The following FMN1 variants were observed in gnomAD, a reference collection of about 807,000 sequenced individuals.
The protein encoded by FMN1 is formin 1.
In FMN1, 110 loss-of-function variants were observed where a neutral mutation model predicts 132.4. The ratio of observed to expected loss-of-function variants is 0.83; its 90% CI spans 0.71 to 0.97. FMN1 has a LOEUF of 0.97. Among genes scored for constraint, FMN1 ranks in the 50% least tolerant of loss-of-function variants. The probability of loss-of-function intolerance (pLI) is 0.00; values close to 1 mark genes in which losing one functional copy is unlikely to be tolerated. For synonymous variants in FMN1, 722 were observed against 651.7 expected (o/e 1.11, Z -1.64); for missense variants, 1,792 against 1,705.3 (o/e 1.05, Z -0.90).
At chr15:33,019,330 A>G (rs889163404) in intron 6 of FMN1, among the ~76,000 whole-genome samples, 1 of 152,126 alleles carries the variant, frequency 6.6e-6, no homozygotes, top group African/African-American at 2.4e-5. Flanking sequence ...ACCTTGAGCT[A>G]GATACAGAGT....
At chr15:33,115,042 A>T (rs185058972) in intron 4 of FMN1, among the ~76,000 whole-genome samples, 1 of 152,302 alleles carries the variant, frequency 6.6e-6, no homozygotes, top group East Asian at 1.9e-4. Context: ...TCAAGACTTC[A>T]TCTATCAATC....
Position 33,008,010 on chromosome 15 carries a change from A to T in FMN1, c.2223+4T>A, listed in dbSNP as rs200129808. ...ACCCGTTCAGTAGCATCAAAGAGGCATACCTGCAGGTTTTCAATTTCTTCT... is the reference window on the plus strand; with the variant it reads ...ACCCGTTCAGTAGCATCAAAGAGGCTTACCTGCAGGTTTTCAATTTCTTCT... On this transcript the variant is annotated splice_donor_region_variant and intron_variant, in intron 7 of 20. Coordinates refer to ENST00000616417, the MANE Select transcript of FMN1 (RefSeq NM_001277313.2). 3.5e-4 allele frequency: 567 copies of T among 1,597,844 alleles called. 1 individual carries two copies. Among genetic ancestry groups the T allele is most frequent in the Non-Finnish European group, 4.6e-4 (533 of 1,171,006 alleles).
At chr15:33,067,975 G>C (rs2037825822) in intron 5 of FMN1, 12 of 1,495,110 alleles carry the variant, frequency 8.0e-6, no homozygotes, top group Non-Finnish European at 1.1e-5. Context: ...TAATTTACAG[G>C]ACAGAGAGCA....
chr15:32,792,123 T>C (rs2057103079), intron 19 of FMN1, among the ~76,000 whole-genome samples: 1 of 151,776 alleles, frequency 6.6e-6, no homozygotes, highest in Admixed American at 6.6e-5. Flanking sequence ...AGACCCAATA[T>C]ATTATCAGAG....
chr15:33,049,428 C>T (rs945289138), intron 6 of FMN1, among the ~76,000 whole-genome samples: 1 of 152,196 alleles, frequency 6.6e-6, no homozygotes, highest in African/African-American at 2.4e-5. Flanking sequence ...GGGATACCCT[C>T]TACTCAAGTC....
At chr15:33,128,840 A>G (rs1021620431) in intron 4 of FMN1, among the ~76,000 whole-genome samples, 1 of 152,366 alleles carries the variant, frequency 6.6e-6, no homozygotes, top group South Asian at 2.1e-4. Context: ...CGCAATGCGG[A>G]AGACAACCGG....
chr15:32,809,317 T>C (rs1177699404), intron 17 of FMN1, among the ~76,000 whole-genome samples: 2 of 152,180 alleles, frequency 1.3e-5, no homozygotes. Context: ...TGTAACAGGT[T>C]CCCCTCATTG....
chr15:32,997,739 C>G (rs866047590), intron 7 of FMN1, among the ~76,000 whole-genome samples: 2 of 152,122 alleles, frequency 1.3e-5, no homozygotes, highest in South Asian at 2.1e-4. Context: ...AGAACACAGA[C>G]CATACCCAAT....
intron 6 of FMN1, among the ~76,000 whole-genome samples, chr15:33,051,425 G>A (rs1304211990): frequency 1.3e-5 from 2 of 152,136 alleles, no homozygotes; most frequent in Non-Finnish European, 2.9e-5. Context: ...GACATGAGCA[G>A]GGCAGGAGAG....
chr15:32,805,776 G>C (rs1424393231), intron 17 of FMN1, among the ~76,000 whole-genome samples: 1 of 149,154 alleles, frequency 6.7e-6, no homozygotes, highest in African/African-American at 2.4e-5. Flanking sequence ...CAGCAGTGCT[G>C]CTCAGAGTCA....
In FMN1 at chr15:32,938,284, C is replaced by T. The variant is rs1213911377; in HGVS notation, c.3139-12023G>A. 2.6e-5 allele frequency among the ~76,000 whole-genome samples: 4 copies of T among 152,048 alleles called. No individual in the cohort carries two copies. The East Asian group carries it at 7.7e-4, about 29-fold the overall frequency. On this transcript the variant is annotated intron_variant, in intron 9 of 20. Transcript: ENST00000616417. The stretch of plus-strand genomic sequence containing the variant: ...TGGCTCACACCTGTAATCCCAGCAA[C>T]TTGAGAGGTCGAGGTGGGTGGATCA...
chr15:32,931,068 C>G (rs756423500), intron 9 of FMN1, among the ~76,000 whole-genome samples: 2 of 152,062 alleles, frequency 1.3e-5, no homozygotes, highest in Non-Finnish European at 2.9e-5. Context: ...GTCTTTATGC[C>G]AGTACCATAC....
At chr15:33,041,911 C>G (rs1020906673) in intron 6 of FMN1, among the ~76,000 whole-genome samples, 21 of 102,010 alleles carry the variant, frequency 2.1e-4, no homozygotes, top group Non-Finnish European at 3.0e-4. Flanking sequence ...GTAAATTTCA[C>G]AGTGTTTTTT....
At chr15:32,803,311 T>A (rs1050670413) in intron 18 of FMN1, among the ~76,000 whole-genome samples, 3 of 152,112 alleles carry the variant, frequency 2.0e-5, no homozygotes, top group African/African-American at 4.8e-5. Flanking sequence ...CAGCCCTAAA[T>A]ATGAGAATAC....
intron 2 of FMN1, among the ~76,000 whole-genome samples, chr15:33,182,915 T>G (rs1381701640): frequency 1.3e-5 from 2 of 152,230 alleles, no homozygotes; most frequent in East Asian, 3.8e-4. Flanking sequence ...TTTCATTTAA[T>G]TTCCCCATTG....
At chr15:32,809,341 A>G (rs1289127047) in intron 17 of FMN1, among the ~76,000 whole-genome samples, 1 of 152,142 alleles carries the variant, frequency 6.6e-6, no homozygotes, top group African/African-American at 2.4e-5. Flanking sequence ...AGTAAATTCA[A>G]TTCTCTTTGT....
At chr15:33,176,906 T>C (rs1965534063) in intron 3 of FMN1, among the ~76,000 whole-genome samples, 1 of 152,250 alleles carries the variant, frequency 6.6e-6, no homozygotes. Flanking sequence ...GCTAAGACAC[T>C]GCTTAAGAAC....
intron 7 of FMN1, among the ~76,000 whole-genome samples, chr15:32,978,777 T>C (rs575339427): frequency 1.3e-3 from 196 of 152,332 alleles, no homozygotes; most frequent in South Asian, 4.6e-3. Context: ...TACTATCCCA[T>C]GGCCAATGTC....
chr15:33,193,433 C>T (rs1191965657), intron 2 of FMN1, among the ~76,000 whole-genome samples: 1 of 152,096 alleles, frequency 6.6e-6, no homozygotes, highest in East Asian at 1.9e-4. Context: ...GCCCCTCCGC[C>T]CCCCTGCCAA....
Sources: allele counts gnomAD v4.1 joint callset (sites outside exome capture counted in the v4.1 genomes callset), GRCh38; gene constraint gnomAD v4.1.1; transcripts MANE v1.5; gene names NCBI Gene and HGNC (gene_info 2026-07-23, HGNC 2026-07-21).